The following PRKCH variants were observed in gnomAD, a reference collection of about 807,000 sequenced individuals.
PRKCH encodes the protein protein kinase C eta.
Under a neutral mutation model 82.5 loss-of-function variants are expected in PRKCH, and 28 were observed. The observed-to-expected ratio is 0.34, with a 90% CI of 0.25 to 0.47. PRKCH has a LOEUF of 0.47. Ranked by LOEUF, PRKCH falls within the 20% of genes least tolerant of loss-of-function variation. PRKCH has a pLI of 1.00. For synonymous variants in PRKCH, 322 were observed against 327.4 expected (o/e 0.98, Z 0.18); for missense variants, 705 against 881.8 (o/e 0.80, Z 2.54).
rs180680557 is a variant in PRKCH at position 61,198,583 on chromosome 14, G to C, written c.-19+10915G>C. On this transcript the variant is annotated intron_variant, in intron 1 of 3. Transcript: ENST00000555185. Reference sequence around the variant, plus strand: ...TTGTTTACATAATGATCTCCCCACAGTTAGCGTGTGGGCAGAAACTATGTC... The same window carrying C: ...TTGTTTACATAATGATCTCCCCACACTTAGCGTGTGGGCAGAAACTATGTC... 6.0e-3 allele frequency among the ~76,000 whole-genome samples: 909 copies of C among 152,300 alleles called. 9 individuals carry two copies. Among genetic ancestry groups the C allele is most frequent in the African/African-American group, 0.02 (850 of 41,562 alleles).
At chr14:61,236,569 A>T (rs57581966) in intron 1 of PRKCH, among the ~76,000 whole-genome samples, 1 of 152,166 alleles carries the variant, frequency 6.6e-6, no homozygotes, top group East Asian at 1.9e-4. Context: ...TTAGCCAGGC[A>T]TGGTGGCGGG....
chr14:61,477,935 G>A (rs1811166745), intron 9 of PRKCH, among the ~76,000 whole-genome samples: 1 of 152,198 alleles, frequency 6.6e-6, no homozygotes, highest in Admixed American at 6.5e-5. Flanking sequence ...TTGTGAGTGT[G>A]TGTGTACCTC....
rs750102466 is a variant in PRKCH at position 61,322,398 on chromosome 14, C to T, written c.297C>T (p.Ala99=). 7.4e-6 allele frequency: 12 copies of T among 1,610,814 alleles called. No homozygotes were observed. Among genetic ancestry groups the T allele is most frequent in the East Asian group, 6.7e-5 (3 of 44,734 alleles). Residue 99 remains alanine (A), a synonymous_variant, in exon 1 of 14, where the codon GCC becomes GCT. Coordinates refer to ENST00000332981, the MANE Select transcript of PRKCH (RefSeq NM_006255.5). ...CCCTGGGCTACGACCACTTCGTGGCCAACTGCACCCTGCAGTTCCAGGAGC... is the reference window on the plus strand; with the variant it reads ...CCCTGGGCTACGACCACTTCGTGGCTAACTGCACCCTGCAGTTCCAGGAGC... ...ETPLGYDHFV[A]NCTLQFQELL...
At chr14:61,449,551 G>A (rs1247295160) in intron 5 of PRKCH, among the ~76,000 whole-genome samples, 1 of 152,098 alleles carries the variant, frequency 6.6e-6, no homozygotes, top group East Asian at 1.9e-4. Context: ...AAGCTATATG[G>A]ATTGGTTCTA....
intron 2 of PRKCH, among the ~76,000 whole-genome samples, chr14:61,405,701 G>A (rs1360190739): frequency 6.6e-6 from 1 of 152,070 alleles, no homozygotes; most frequent in African/African-American, 2.4e-5. Flanking sequence ...TTGAACTTGT[G>A]GTGAACTATC....
rs2045241325 is a variant in PRKCH, at chr14:61,279,980, A to T, written c.-19+92312A>T. 23 of 925,286 alleles carry T rather than the reference A, an allele frequency of 2.5e-5. No homozygotes were observed. In the South Asian group the frequency reaches 3.7e-4, roughly 15 times the overall value. 57.3% of individuals were successfully genotyped at this position (925,286 alleles called of 1,614,324 possible). On this transcript the variant is annotated intron_variant, in intron 1 of 3. Transcript: ENST00000555185. ...CCTTATCTGGTCCCCTCATTCACAA[A>T]GGGAGGAAAAGCTAGGCGAGGTTGG...
At chr14:61,416,913 T>C (rs1027196234) in intron 2 of PRKCH, among the ~76,000 whole-genome samples, 1 of 152,200 alleles carries the variant, frequency 6.6e-6, no homozygotes, top group Admixed American at 6.5e-5. Flanking sequence ...GAAGCCCTTA[T>C]GGGAGGAGGC....
chr14:61,542,600 A>G (rs2043202576), intron 12 of PRKCH, among the ~76,000 whole-genome samples: 1 of 152,214 alleles, frequency 6.6e-6, no homozygotes. Context: ...GTGAAGGCAG[A>G]AAGAGATCTT....
chr14:61,287,300 C>T (rs2045324096), intron 1 of PRKCH, among the ~76,000 whole-genome samples: 1 of 144,434 alleles, frequency 6.9e-6, no homozygotes, highest in Admixed American at 6.9e-5. Flanking sequence ...AGGGGTTGTG[C>T]TTGGTGAGTT....
intron 1 of PRKCH, chr14:61,327,043 A>G (rs1441882518): frequency 4.4e-6 from 2 of 456,000 alleles, no homozygotes; most frequent in Non-Finnish European, 8.8e-6. Context: ...AGGCTGCGTC[A>G]TGGAAAGACC....
intron 2 of PRKCH, among the ~76,000 whole-genome samples, chr14:61,391,847 A>G (rs76186143): frequency 0.043 from 6,488 of 152,270 alleles, 418 homozygotes; most frequent in African/African-American, 0.15. Context: ...ATACAACTGC[A>G]TAACCAGCAC....
At chr14:61,478,389 A>G (rs1885823022) in intron 9 of PRKCH, among the ~76,000 whole-genome samples, 1 of 152,104 alleles carries the variant, frequency 6.6e-6, no homozygotes, top group Non-Finnish European at 1.5e-5. Context: ...GGACTTGGGC[A>G]CTGGGCACAA....
intron 1 of PRKCH, among the ~76,000 whole-genome samples, chr14:61,377,141 C>A (rs1425162509): frequency 6.6e-6 from 1 of 152,230 alleles, no homozygotes; most frequent in Admixed American, 6.5e-5. Context: ...CATATCTGCA[C>A]ATTTGGCTTC....
At chr14:61,225,370 T>C (rs781097356) in intron 1 of PRKCH, among the ~76,000 whole-genome samples, 6 of 152,370 alleles carry the variant, frequency 3.9e-5, no homozygotes, top group Non-Finnish European at 8.8e-5. Context: ...TCAGAGTTCC[T>C]TCCTGCCAAG....
intron 1 of PRKCH, among the ~76,000 whole-genome samples, chr14:61,333,678 G>T (rs1998673): frequency 1.3e-5 from 2 of 152,008 alleles, no homozygotes; most frequent in East Asian, 3.9e-4. Flanking sequence ...TAAAGAGTTT[G>T]TTTGAGGTTT....
In PRKCH at chr14:61,324,424, C is replaced by G. The variant is rs557238482; in HGVS notation, c.363+1960C>G. Among the ~76,000 whole-genome samples the G allele has an allele frequency of 4.9e-4, 74 of 152,128 alleles. 1 individual carries two copies. Among genetic ancestry groups the G allele is most frequent in the African/African-American group, 1.6e-3 (67 of 41,468 alleles). On this transcript the variant is annotated intron_variant, in intron 1 of 13. Transcript: ENST00000332981. ...ACCTTGAAACCAGCAGTTTTTCATG[C>G]GTTTGCATGCATCAGAAGGCAGATT...
At chr14:61,439,584 A>G (rs1883854963) in intron 2 of PRKCH, among the ~76,000 whole-genome samples, 1 of 152,088 alleles carries the variant, frequency 6.6e-6, no homozygotes, top group Non-Finnish European at 1.5e-5. Flanking sequence ...GTCGTGAGAG[A>G]AGACATTGAG....
chr14:61,236,274 A>G lies in PRKCH; in HGVS notation c.-19+48606A>G, dbSNP rs533979863. On this transcript the variant is annotated intron_variant, in intron 1 of 3. Coordinates refer to the PRKCH transcript ENST00000555185. ...TGTGAAGCAGAGCAACTCCATCTTA[A>G]ATAGGAGATAGGTAAAATGAGGCTG... 2.0e-5 allele frequency among the ~76,000 whole-genome samples: 3 copies of G among 152,060 alleles called. No homozygotes were observed. The South Asian group carries it at 6.2e-4, about 32-fold the overall frequency.
intron 12 of PRKCH, among the ~76,000 whole-genome samples, chr14:61,531,568 G>C (rs1413445807): frequency 6.6e-6 from 1 of 152,182 alleles, no homozygotes; most frequent in Non-Finnish European, 1.5e-5. Flanking sequence ...GTGGGTCACT[G>C]TGTACTGGGG....
Sources: gnomAD v4.1 joint callset for allele counts (sites outside exome capture counted in the v4.1 genomes callset) on GRCh38, gnomAD v4.1.1 for gene constraint, MANE v1.5 for transcripts, NCBI Gene and HGNC (gene_info 2026-07-23, HGNC 2026-07-21) for gene names.